Variants in TMEM119 observed in about 807,000 individuals in gnomAD.
TMEM119 encodes the protein transmembrane protein 119.
For missense variants in TMEM119, 410 were observed against 381.0 expected (o/e 1.08, Z -0.63); for synonymous variants, 182 against 176.4 (o/e 1.03, Z -0.25).
rs141611021 is a variant in TMEM119, at chr12:108,592,838, CAG to C, written c.-14-443_-14-442del. Among the ~76,000 whole-genome samples, 32 of 152,170 alleles carry C rather than the reference CAG, an allele frequency of 2.1e-4. No individual in the cohort carries two copies. The East Asian group carries it at 5.4e-3, about 26-fold the overall frequency. ...TAGGCCCATTTTGCAGATGAAAAAA[CAG>C]AGGCTGAGAGGGACGTGGTGACTTG... On this transcript the variant is annotated intron_variant, in intron 1 of 1. Transcript: ENST00000392806. The surrounding 1 kb of genome is among the most constrained non-coding windows in gnomAD (Gnocchi z 4.3).
intron 1 of TMEM119, among the ~76,000 whole-genome samples, chr12:108,594,918 T>TA (rs1335087068): frequency 6.6e-6 from 1 of 152,140 alleles, no homozygotes; most frequent in Non-Finnish European, 1.5e-5. Context: ...TTCAATTTTT[T>TA]AAAAAAGAGA....
rs552424918 is a variant in TMEM119 at position 108,597,638 on chromosome 12, C to T, written c.-15+332G>A. ...CATACACAACCCCCTGACACACAGC[C>T]GATCCCTGCACACAGGACAATACCG... is the stretch of plus-strand genomic sequence containing the variant. On this transcript the variant is annotated intron_variant, in intron 1 of 1. Coordinates refer to ENST00000392806, the MANE Select transcript of TMEM119 (RefSeq NM_181724.3). Among the ~76,000 whole-genome samples, 75 of 152,082 alleles carry T rather than the reference C, an allele frequency of 4.9e-4. 1 individual carries two copies. The highest frequency in any genetic ancestry group is 9.2e-4 in the Admixed American group (14 of 15,268).
At chr12:108,595,299 T>C (rs974249570) in intron 1 of TMEM119, among the ~76,000 whole-genome samples, 3 of 139,358 alleles carry the variant, frequency 2.2e-5, no homozygotes, top group Non-Finnish European at 4.7e-5. Context: ...CCACACATAA[T>C]CATGCACACA....
chr12:108,593,368 T>C (rs1016657205), intron 1 of TMEM119, among the ~76,000 whole-genome samples: 5 of 151,510 alleles, frequency 3.3e-5, no homozygotes, highest in Non-Finnish European at 7.4e-5. Context: ...CGCTTGAACC[T>C]GGGAGGCGGA....
At chr12:108,594,850 C>T (rs975133938) in intron 1 of TMEM119, among the ~76,000 whole-genome samples, 2 of 151,966 alleles carry the variant, frequency 1.3e-5, no homozygotes, top group Non-Finnish European at 2.9e-5. Context: ...CCCAGGAGTT[C>T]AAGACCAGCC....
In TMEM119 at chr12:108,590,269, G is replaced by C. The variant is rs1383061443; in HGVS notation, c.*1263C>G. ...GGCCGGGGGTGCTTGGAGAGCGCTT[G>C]AGAGGATTTAAATGCCCTATACCCC... On this transcript the variant is annotated 3_prime_UTR_variant, in exon 2 of 2. Transcript: ENST00000392806. 1 of 152,154 alleles carries C rather than the reference G, an allele frequency of 6.6e-6. No homozygotes were observed. The highest frequency in any genetic ancestry group is 1.5e-5 in the Non-Finnish European group (1 of 68,034). The allele number at this position is 152,154 out of a possible 1,614,324, so 9.4% of individuals were successfully genotyped here. A position where few individuals can be genotyped will look rare whatever the true frequency, so the allele number is the denominator to read the frequency against.
Position 108,592,052 on chromosome 12 carries a change from A to G in TMEM119, c.332T>C (p.Ile111Thr). Residue 111 changes from isoleucine to threonine, a missense_variant, in exon 2 of 2, where the codon ATC becomes ACC. By Grantham distance (89) the Ile-to-Thr change is moderately conservative (BLOSUM62 -1). Transcript: ENST00000392806. This position sits in a 1 kb window ranked among gnomAD's most constrained non-coding sequence, Gnocchi z 4.3. The stretch of plus-strand genomic sequence containing the variant: ...CCGGGTGATGACCGCGGCACAGACG[A>G]TGAACATCAGCAGAAAGGCCAGGGA... ...VGSLAFLLMF[I>T]VCAAVITRQK... is the part of the protein sequence containing the mutation. 1 of 1,614,070 alleles carries G rather than the reference A, an allele frequency of 6.2e-7. No homozygotes were observed. The highest frequency in any genetic ancestry group is 1.3e-5 in the African/African-American group (1 of 75,020).
Position 108,590,968 on chromosome 12 carries a change from C to T in TMEM119, c.*564G>A, listed in dbSNP as rs1413442120. ...TTACGAACGCTGGGCACCTTGGCGT[C>T]TCTCATCCAAACTCTTCCAAAACTC... is the stretch of plus-strand genomic sequence containing the variant. On this transcript the variant is annotated 3_prime_UTR_variant, in exon 2 of 2. Coordinates refer to ENST00000392806, the MANE Select transcript of TMEM119 (RefSeq NM_181724.3). 1.3e-5 allele frequency: 2 copies of T among 152,374 alleles called. No homozygotes were observed. The highest frequency in any genetic ancestry group is 4.8e-5 in the African/African-American group (2 of 41,470). 9.4% of individuals were successfully genotyped at this position (152,374 alleles called of 1,614,324 possible).
chr12:108,592,622 G>A lies in TMEM119; in HGVS notation c.-14-225C>T, dbSNP rs897812978. Among the ~76,000 whole-genome samples, 6 of 152,110 alleles carry A rather than the reference G, an allele frequency of 3.9e-5. 1 individual carries two copies. In the South Asian group the frequency reaches 8.3e-4, roughly 21 times the overall value. On this transcript the variant is annotated intron_variant, in intron 1 of 1. Transcript: ENST00000392806. The surrounding 1 kb of genome is among the most constrained non-coding windows in gnomAD (Gnocchi z 4.3). ...TCAGGGGCTGAATCTTATTCATCTC[G>A]GCCTCCTCAGGGTTTGGCCCCATAT...
rs2031377018 is a variant in TMEM119, at chr12:108,590,739, AGT to A, written c.*791_*792del. ...TTCCGTAGAGTGCCTCGGGGAACCTAGTTTGGGAAATGCTCATTTAGGGACCT... is the reference window on the plus strand; with the variant it reads ...TTCCGTAGAGTGCCTCGGGGAACCTATTGGGAAATGCTCATTTAGGGACCT... On this transcript the variant is annotated 3_prime_UTR_variant, in exon 2 of 2. Coordinates refer to ENST00000392806, the MANE Select transcript of TMEM119 (RefSeq NM_181724.3). 6.6e-6 allele frequency: 1 copy of A among 152,152 alleles called. No homozygotes were observed. Among genetic ancestry groups the A allele is most frequent in the South Asian group, 2.1e-4 (1 of 4,832 alleles). The allele number at this position is 152,152 out of a possible 1,614,324, so 9.4% of individuals were successfully genotyped here.
chr12:108,594,843 A>G (rs1230730414), intron 1 of TMEM119, among the ~76,000 whole-genome samples: 1 of 152,122 alleles, frequency 6.6e-6, no homozygotes, highest in Non-Finnish European at 1.5e-5. Flanking sequence ...GCTTGAGCCC[A>G]GGAGTTCAAG....
chr12:108,592,511 G>T lies in TMEM119; in HGVS notation c.-14-114C>A. ...GGGAGCATGAAACACCTTCTAGCAA[G>T]TCCCTTCCATTCCCAGGGCCTGAGC... On this transcript the variant is annotated intron_variant, in intron 1 of 1. Transcript: ENST00000392806. The surrounding 1 kb of genome is among the most constrained non-coding windows in gnomAD (Gnocchi z 4.3). The T allele has an allele frequency of 8.4e-7, 1 of 1,194,688 alleles. No individual in the cohort carries two copies. The highest frequency in any genetic ancestry group is 1.1e-6 in the Non-Finnish European group (1 of 878,056). The allele number at this position is 1,194,688 out of a possible 1,614,324, so 74.0% of individuals were successfully genotyped here.
rs1269185943 is a variant in TMEM119 at position 108,597,363 on chromosome 12, T to G, written c.-15+607A>C. On this transcript the variant is annotated intron_variant, in intron 1 of 1. Coordinates refer to ENST00000392806, the MANE Select transcript of TMEM119 (RefSeq NM_181724.3). The stretch of plus-strand genomic sequence containing the variant: ...GGGAGGGGTGTTCTGGTTGGAGCAC[T>G]GCACATGCCCCCGACCCCAGGGCCA... 3.3e-5 allele frequency among the ~76,000 whole-genome samples: 5 copies of G among 152,100 alleles called. No homozygotes were observed. The East Asian group carries it at 9.7e-4, about 30-fold the overall frequency.
intron 1 of TMEM119, among the ~76,000 whole-genome samples, chr12:108,594,828 G>T (rs2031478087): frequency 6.6e-6 from 1 of 152,006 alleles, no homozygotes; most frequent in African/African-American, 2.4e-5. Flanking sequence ...CTACTTGGGA[G>T]GATCGCTTGA....
At chr12:108,597,802 C>T (rs954344380) in intron 1 of TMEM119, among the ~76,000 whole-genome samples, 168 bp downstream of exon 1, 3 of 152,168 alleles carry the variant, frequency 2.0e-5, no homozygotes, top group East Asian at 1.9e-4. Flanking sequence ...ACCCCAGCAC[C>T]GCACACGGGA....
rs977285711 is a variant in TMEM119 at position 108,590,944 on chromosome 12, T to C, written c.*588A>G. 3.9e-5 allele frequency: 6 copies of C among 152,274 alleles called. No homozygotes were observed. Among genetic ancestry groups the C allele is most frequent in the African/African-American group, 1.4e-4 (6 of 41,468 alleles). The allele number at this position is 152,274 out of a possible 1,614,324, so 9.4% of individuals were successfully genotyped here. ...CTTCACGCCAGGCTGCATGTTGCCT[T>C]ACGAACGCTGGGCACCTTGGCGTCT... is the stretch of plus-strand genomic sequence containing the variant. On this transcript the variant is annotated 3_prime_UTR_variant, in exon 2 of 2. Transcript: ENST00000392806.
In TMEM119 at chr12:108,592,479, A is replaced by G. The variant is rs779802561; in HGVS notation, c.-14-82T>C. On this transcript the variant is annotated intron_variant, in intron 1 of 1. Coordinates refer to ENST00000392806, the MANE Select transcript of TMEM119 (RefSeq NM_181724.3). The surrounding 1 kb of genome is among the most constrained non-coding windows in gnomAD (Gnocchi z 4.3). ...AGAAACAGGCTCACCAGCCCCCAGG[A>G]GGAACAGGGAGCATGAAACACCTTC... 2.1e-5 allele frequency: 30 copies of G among 1,407,934 alleles called. No homozygotes were observed. Among genetic ancestry groups the G allele is most frequent in the Non-Finnish European group, 2.8e-5 (30 of 1,066,312 alleles). The allele number at this position is 1,407,934 out of a possible 1,614,324, so 87.2% of individuals were successfully genotyped here. A position where few individuals can be genotyped will look rare whatever the true frequency, so the allele number is the denominator to read the frequency against.
At chr12:108,597,536 ACT>A (rs1206903757) in intron 1 of TMEM119, among the ~76,000 whole-genome samples, 1 of 151,936 alleles carries the variant, frequency 6.6e-6, no homozygotes, top group Non-Finnish European at 1.5e-5. Context: ...CTCACACAGC[ACT>A]GAGACACCCA....
chr12:108,596,361 A>G (rs1029073255), intron 1 of TMEM119, among the ~76,000 whole-genome samples: 2 of 152,002 alleles, frequency 1.3e-5, no homozygotes, highest in Non-Finnish European at 2.9e-5. Flanking sequence ...GCAGAACCAA[A>G]CACACACATG....
Sources: allele counts gnomAD v4.1 joint callset (sites outside exome capture counted in the v4.1 genomes callset), GRCh38; gene constraint gnomAD v4.1.1; non-coding constraint Gnocchi (gnomAD v3.1); transcripts MANE v1.5; gene names NCBI Gene and HGNC (gene_info 2026-07-23, HGNC 2026-07-21).